Variants in LPL observed in about 807,000 individuals in gnomAD.
The protein encoded by LPL is phospholipase A1.
LPL carries 43 observed loss-of-function variants against 52.2 expected under a neutral mutation model. That is an observed-to-expected ratio of 0.82 (90% confidence interval 0.64 to 1.06). The LOEUF is 1.06. Among genes scored for constraint, LPL ranks in the 50% least tolerant of loss-of-function variants. LPL has a pLI of 0.00. For synonymous variants in LPL, 244 were observed against 215.6 expected, an observed-to-expected ratio of 1.13 and a Z score of -1.15; for missense variants, 639 against 585.3, an observed-to-expected ratio of 1.09 and a Z score of -0.95.
rs1321879372 is a variant in LPL, at chr8:19,954,233, C to T, written c.655C>T (p.Arg219Ter). Residue 219 changes from arginine to a stop codon, truncating the protein, a stop_gained, in exon 5 of 10, where the codon CGA (arginine) becomes TGA (stop). Coordinates refer to ENST00000650287, the MANE Select transcript of LPL (RefSeq NM_000237.3). LOFTEE classifies it high-confidence loss of function. Reference sequence around the variant, plus strand: ...CACATTCACCAGAGGGTCCCCTGGTCGAAGCATTGGAATCCAGAAACCAGT... The same window carrying T: ...CACATTCACCAGAGGGTCCCCTGGTTGAAGCATTGGAATCCAGAAACCAGT... Reference protein sequence around the residue: ...LHTFTRGSPGRSIGIQKPVGH... With the variant: ...LHTFTRGSPG 10 of 1,614,086 alleles carry T rather than the reference C, an allele frequency of 6.2e-6. No individual in the cohort carries two copies. Among genetic ancestry groups the T allele is most frequent in the Middle Eastern group, 1.6e-4 (1 of 6,062 alleles).
chr8:19,939,346 G>A lies in LPL; in HGVS notation c.-95G>A. The A allele has an allele frequency of 3.2e-6, 4 of 1,244,992 alleles. No individual in the cohort carries two copies. Among genetic ancestry groups the A allele is most frequent in the Non-Finnish European group, 4.6e-6 (4 of 877,320 alleles). 77.1% of individuals were successfully genotyped at this position (1,244,992 alleles called of 1,614,324 possible). A position where few individuals can be genotyped will look rare whatever the true frequency, so the allele number is the denominator to read the frequency against. ...CCCTTTAAAGGGCGACTTGCTCAGC[G>A]CCAAACCGCGGCTCCAGCCCTCTCC... is the stretch of plus-strand genomic sequence containing the variant. On this transcript the variant is annotated 5_prime_UTR_variant, in exon 1 of 10. Coordinates refer to ENST00000650287, the MANE Select transcript of LPL (RefSeq NM_000237.3). This position sits in a 1 kb window ranked among gnomAD's most constrained non-coding sequence, Gnocchi z 4.0.
intron 1 of LPL, among the ~76,000 whole-genome samples, chr8:19,946,227 T>A (rs1033591729): frequency 1.3e-5 from 2 of 152,186 alleles, no homozygotes; most frequent in African/African-American, 2.4e-5. Context: ...AGCAAGACTC[T>A]TATTTGAATA....
chr8:19,961,747 A>C (rs1391917739), intron 8 of LPL, among the ~76,000 whole-genome samples: 2 of 152,200 alleles, frequency 1.3e-5, no homozygotes, highest in South Asian at 2.1e-4. Flanking sequence ...TGTTATAAAG[A>C]ATCTTTTTTA....
At chr8:19,943,482 A>T (rs2069857433) in intron 1 of LPL, among the ~76,000 whole-genome samples, 1 of 152,230 alleles carries the variant, frequency 6.6e-6, no homozygotes, top group African/African-American at 2.4e-5. Context: ...CCTCCCTCCA[A>T]TAAAACAATT....
intron 1 of LPL, among the ~76,000 whole-genome samples, chr8:19,945,122 T>A (rs904062559): frequency 6.6e-6 from 1 of 152,212 alleles, no homozygotes; most frequent in Admixed American, 6.5e-5. Context: ...TATTTCCATG[T>A]ATGGAAAATA....
At chr8:19,952,613 T>TTCC (rs2069945590) in intron 3 of LPL, among the ~76,000 whole-genome samples, 1 of 152,176 alleles carries the variant, frequency 6.6e-6, no homozygotes. Flanking sequence ...AAGTAAAAAA[T>TTCC]AAGCTGTGTT....
At chr8:19,941,933 G>C (rs746710700) in intron 1 of LPL, among the ~76,000 whole-genome samples, 1 of 152,210 alleles carries the variant, frequency 6.6e-6, no homozygotes, top group Admixed American at 6.5e-5. Context: ...TGAAGAGCTA[G>C]GAGAGGGAGA....
rs187716351 is a variant in LPL, at chr8:19,963,097, G to A, written c.1427+878G>A. Among the ~76,000 whole-genome samples, 761 of 152,332 alleles carry A rather than the reference G, an allele frequency of 5.0e-3. 4 individuals are homozygous for A. The highest frequency in any genetic ancestry group is 7.0e-3 in the Non-Finnish European group (477 of 68,022). ...TAGACACAGTGTCATCTGGAAACAG[G>A]AAAAGCAATTGCTTTTGGTTTGTTC... On this transcript the variant is annotated intron_variant, in intron 9 of 9. Transcript: ENST00000650287.
intron 1 of LPL, among the ~76,000 whole-genome samples, chr8:19,941,790 C>T (rs1478015341): frequency 6.6e-6 from 1 of 152,168 alleles, no homozygotes; most frequent in Admixed American, 6.5e-5. Flanking sequence ...CAGGGATCAC[C>T]TCCTCTGGGC....
chr8:19,966,787 C>T lies in LPL; in HGVS notation c.*1477C>T, dbSNP rs377119575. 14 of 152,108 alleles carry T rather than the reference C, an allele frequency of 9.2e-5. No homozygotes were observed. Among genetic ancestry groups the T allele is most frequent in the African/African-American group, 3.4e-4 (14 of 41,402 alleles). 9.4% of individuals were successfully genotyped at this position (152,108 alleles called of 1,614,324 possible). A position where few individuals can be genotyped will look rare whatever the true frequency, so the allele number is the denominator to read the frequency against. ...ATGATCGTGCCTATAAATAGTAGGACCAATGTTGTGATTAACATCATCAGG... is the reference window on the plus strand; with the variant it reads ...ATGATCGTGCCTATAAATAGTAGGATCAATGTTGTGATTAACATCATCAGG... On this transcript the variant is annotated 3_prime_UTR_variant, in exon 10 of 10. Coordinates refer to ENST00000650287, the MANE Select transcript of LPL (RefSeq NM_000237.3).
chr8:19,942,544 T>C (rs2069849930), intron 1 of LPL, among the ~76,000 whole-genome samples: 1 of 152,234 alleles, frequency 6.6e-6, no homozygotes. Context: ...TTAAATGAGT[T>C]TGTCACCACA....
chr8:19,966,057 T>C lies in LPL; in HGVS notation c.*747T>C, dbSNP rs983973660. ...TTGTCTCAAGATTATATTATAATAA[T>C]GTTCTCTGGGTAGGTGTTGAAAATG... On this transcript the variant is annotated 3_prime_UTR_variant, in exon 10 of 10. Transcript: ENST00000650287. 6.6e-6 allele frequency: 1 copy of C among 152,086 alleles called. No homozygotes were observed. Among genetic ancestry groups the C allele is most frequent in the Non-Finnish European group, 1.5e-5 (1 of 68,020 alleles). 9.4% of individuals were successfully genotyped at this position (152,086 alleles called of 1,614,324 possible).
Position 19,939,357 on chromosome 8 carries a change from GCTCCAGCCCT to G in LPL, c.-75_-66del. 2 of 1,374,244 alleles carry G rather than the reference GCTCCAGCCCT, an allele frequency of 1.5e-6. No individual in the cohort carries two copies. Among genetic ancestry groups the G allele is most frequent in the Non-Finnish European group, 2.0e-6 (2 of 992,318 alleles). The allele number at this position is 1,374,244 out of a possible 1,614,324, so 85.1% of individuals were successfully genotyped here. The stretch of plus-strand genomic sequence containing the variant: ...GCGACTTGCTCAGCGCCAAACCGCG[GCTCCAGCCCT>G]CTCCAGCCTCCGGCTCAGCCGGCTC... On this transcript the variant is annotated 5_prime_UTR_variant, in exon 1 of 10. Transcript: ENST00000650287. This position sits in a 1 kb window ranked among gnomAD's most constrained non-coding sequence, Gnocchi z 4.0.
chr8:19,948,450 A>T, intron 2 of LPL, 110 bp downstream of exon 2: 1 of 1,246,348 alleles, frequency 8.0e-7, no homozygotes, highest in Non-Finnish European at 1.1e-6. Context: ...TCTCACGTGG[A>T]TCTCCTTACA....
At chr8:19,955,635 T>C (rs1168042049) in intron 5 of LPL, among the ~76,000 whole-genome samples, 2 of 152,120 alleles carry the variant, frequency 1.3e-5, no homozygotes, top group African/African-American at 4.8e-5. Context: ...CCCTGTGAAC[T>C]TGCAACTTTC....
intron 9 of LPL, among the ~76,000 whole-genome samples, chr8:19,964,179 T>C (rs980659940): frequency 6.6e-6 from 1 of 152,172 alleles, no homozygotes; most frequent in Non-Finnish European, 1.5e-5. Context: ...CTTGAACTCC[T>C]AACCTCAGGT....
intron 6 of LPL, among the ~76,000 whole-genome samples, chr8:19,958,083 A>C (rs2070003386): frequency 6.6e-6 from 1 of 151,640 alleles, no homozygotes; most frequent in Non-Finnish European, 1.5e-5. Context: ...GCAGCGGCGC[A>C]ATCTTAGCTC....
In LPL at chr8:19,954,300, C is replaced by T; in HGVS notation, c.722C>T (p.Pro241Leu). Residue 241 changes from proline (P) to leucine (L), a missense_variant, in exon 5 of 10, where the codon CCA becomes CTA. Pro to Leu is a moderately conservative substitution (Grantham distance 98). Transcript: ENST00000650287. Reference protein sequence around the residue: ...DIYPNGGTFQPGCNIGEAIRV... With the variant: ...DIYPNGGTFQLGCNIGEAIRV... The stretch of plus-strand genomic sequence containing the variant: ...TACCCGAATGGAGGTACTTTTCAGC[C>T]AGGATGTAACATTGGAGAAGCTATC... The T allele has an allele frequency of 6.2e-7, 1 of 1,614,132 alleles. No individual in the cohort carries two copies.
Position 19,950,787 on chromosome 8 carries a change from C to G in LPL, c.250-982C>G, listed in dbSNP as rs2069926830. On this transcript the variant is annotated intron_variant, in intron 2 of 9. Coordinates refer to ENST00000650287, the MANE Select transcript of LPL (RefSeq NM_000237.3). This position sits in a 1 kb window ranked among gnomAD's most constrained non-coding sequence, Gnocchi z 4.2. ...CCACTGCACTCCAGCCTGGGCGAGACAGTAAGACTCTGCCAAAAGAAAGGA... is the reference window on the plus strand; with the variant it reads ...CCACTGCACTCCAGCCTGGGCGAGAGAGTAAGACTCTGCCAAAAGAAAGGA... Among the ~76,000 whole-genome samples, 1 of 149,238 alleles carries G rather than the reference C, an allele frequency of 6.7e-6. No individual in the cohort carries two copies. Among genetic ancestry groups the G allele is most frequent in the Admixed American group, 6.7e-5 (1 of 14,856 alleles).
Sources: allele counts gnomAD v4.1 joint callset (sites outside exome capture counted in the v4.1 genomes callset), GRCh38; gene constraint gnomAD v4.1.1; non-coding constraint Gnocchi (gnomAD v3.1); transcripts MANE v1.5; gene names NCBI Gene and HGNC (gene_info 2026-07-23, HGNC 2026-07-21).